The following KDM4C variants were observed in gnomAD, a reference collection of about 807,000 sequenced individuals.
KDM4C encodes lysine demethylase 4C, also known as lysine-specific demethylase 4C.
A neutral mutation model predicts 129.3 loss-of-function variants in KDM4C; 81 were observed. The observed-to-expected ratio is 0.63, with a 90% confidence interval of 0.52 to 0.75. KDM4C has a LOEUF of 0.75. Among genes scored for constraint, KDM4C ranks in the 30% least tolerant of loss-of-function variants. The probability of loss-of-function intolerance (pLI) is 0.00; values close to 1 mark genes in which losing one functional copy is unlikely to be tolerated. For missense variants in KDM4C, 1,457 were observed against 1,304.0 expected (o/e 1.12, Z -1.81); for synonymous variants, 573 against 456.1 (o/e 1.26, Z -3.26).
intron 12 of KDM4C, among the ~76,000 whole-genome samples, chr9:7,003,457 A>C (rs1821100225): frequency 1.3e-5 from 2 of 151,426 alleles, no homozygotes; most frequent in Admixed American, 1.3e-4. Flanking sequence ...GGTAATAGGA[A>C]TTTTGAAGTT....
chr9:7,095,238 A>G (rs1046455984), intron 17 of KDM4C, among the ~76,000 whole-genome samples: 2 of 152,250 alleles, frequency 1.3e-5, no homozygotes, highest in African/African-American at 4.8e-5. Flanking sequence ...TTCAGTAAAC[A>G]TACATGAAAC....
chr9:6,835,183 G>A (rs1459120419), intron 4 of KDM4C: 6 of 936,768 alleles, frequency 6.4e-6, no homozygotes, highest in African/African-American at 1.6e-5. Flanking sequence ...GCTGACTGAC[G>A]GCCAGGTCAT....
intron 8 of KDM4C, among the ~76,000 whole-genome samples, chr9:6,972,618 A>G (rs1175903496): frequency 1.3e-5 from 2 of 152,176 alleles, no homozygotes; most frequent in Non-Finnish European, 2.9e-5. Context: ...AATTGTTGCC[A>G]TGCTTTATTC....
At chr9:6,858,543 G>A (rs1355595848) in intron 5 of KDM4C, among the ~76,000 whole-genome samples, 1 of 152,176 alleles carries the variant, frequency 6.6e-6, no homozygotes, top group African/African-American at 2.4e-5. Context: ...GGAGGCCTAG[G>A]TGGGCGGATC....
intron 19 of KDM4C, among the ~76,000 whole-genome samples, chr9:7,163,368 G>C (rs1313148147): frequency 6.6e-6 from 1 of 152,168 alleles, no homozygotes; most frequent in East Asian, 1.9e-4. Context: ...TAGCACTGCA[G>C]AGCACCATGG....
intron 1 of KDM4C, among the ~76,000 whole-genome samples, chr9:6,776,462 C>T (rs1823064414): frequency 6.6e-6 from 1 of 152,050 alleles, no homozygotes; most frequent in Non-Finnish European, 1.5e-5. Context: ...AGAGTTTCCA[C>T]CATGTTGGCC....
At chr9:6,985,078 C>T (rs1817457464) in intron 10 of KDM4C, among the ~76,000 whole-genome samples, 2 of 152,166 alleles carry the variant, frequency 1.3e-5, no homozygotes, top group Non-Finnish European at 2.9e-5. Flanking sequence ...CGCCAGAATC[C>T]GACTCCCTCT....
chr9:7,048,997 C>T (rs1260682131), intron 16 of KDM4C, 95 bp from the exon 17 acceptor site: 1 of 763,978 alleles, frequency 1.3e-6, no homozygotes, highest in Non-Finnish European at 2.3e-6. Context: ...TCTTGCTCAT[C>T]TGTGTATTTC....
chr9:6,746,017 G>T (rs1246297840), intron 1 of KDM4C, among the ~76,000 whole-genome samples: 1 of 151,850 alleles, frequency 6.6e-6, no homozygotes, highest in Non-Finnish European at 1.5e-5. Flanking sequence ...TGTTGGTCAG[G>T]CTGGTCTTGA....
intron 19 of KDM4C, among the ~76,000 whole-genome samples, chr9:7,139,950 G>A (rs543556088): frequency 6.6e-6 from 1 of 152,160 alleles, no homozygotes; most frequent in Non-Finnish European, 1.5e-5. Context: ...ATGAAAGGAA[G>A]GAAAGGACAC....
chr9:6,997,809 G>A (rs576059724), intron 12 of KDM4C, among the ~76,000 whole-genome samples: 1 of 152,326 alleles, frequency 6.6e-6, no homozygotes, highest in Admixed American at 6.5e-5. Context: ...CCCTGAAATA[G>A]CATGTGGTGA....
rs147517469 is a variant in KDM4C, at chr9:6,823,621, C to T, written c.435+8876C>T. ...TCACGTTGCTCCTTCGTTGCTGCTG[C>T]CTCCAGATCTCCAAAGGTGTCCCCT... is the stretch of plus-strand genomic sequence containing the variant. On this transcript the variant is annotated intron_variant, in intron 4 of 21. Coordinates refer to ENST00000381309, the MANE Select transcript of KDM4C (RefSeq NM_015061.6). Among the ~76,000 whole-genome samples the T allele has an allele frequency of 3.6e-3, 556 of 152,332 alleles. 8 individuals carry two copies. The highest frequency in any genetic ancestry group is 0.013 in the African/African-American group (530 of 41,568).
chr9:7,036,654 A>G (rs1482619135), intron 15 of KDM4C, among the ~76,000 whole-genome samples: 2 of 152,192 alleles, frequency 1.3e-5, no homozygotes, highest in African/African-American at 4.8e-5. Flanking sequence ...AGAAAAACTA[A>G]ATTTCTGTAA....
chr9:6,979,457 C>T (rs951889337), intron 8 of KDM4C, among the ~76,000 whole-genome samples: 8 of 152,102 alleles, frequency 5.3e-5, no homozygotes, highest in Non-Finnish European at 8.8e-5. Context: ...TTTGGGCTCC[C>T]ATGACTTGGG....
At chr9:6,830,473 T>C (rs1309968962) in intron 4 of KDM4C, among the ~76,000 whole-genome samples, 1 of 152,222 alleles carries the variant, frequency 6.6e-6, no homozygotes, top group East Asian at 1.9e-4. Context: ...GAGTCATGAA[T>C]GCCAGGAGTC....
At chr9:7,009,593 A>C (rs1822311087) in intron 12 of KDM4C, among the ~76,000 whole-genome samples, 1 of 152,114 alleles carries the variant, frequency 6.6e-6, no homozygotes, top group Non-Finnish European at 1.5e-5. Context: ...CACTGCCTTG[A>C]TTCATGCTGA....
At chr9:6,779,458 G>A (rs550335795) in intron 1 of KDM4C, among the ~76,000 whole-genome samples, 1 of 152,272 alleles carries the variant, frequency 6.6e-6, no homozygotes, top group South Asian at 2.1e-4. Flanking sequence ...CACGATTCCT[G>A]ACCCCTAGAT....
chr9:6,856,706 G>T (rs1348205718), intron 5 of KDM4C, among the ~76,000 whole-genome samples: 1 of 151,314 alleles, frequency 6.6e-6, no homozygotes, highest in Non-Finnish European at 1.5e-5. Flanking sequence ...CCAGGTAGCT[G>T]GGACTACAGG....
chr9:6,827,176 T>C (rs910456248), intron 4 of KDM4C, among the ~76,000 whole-genome samples: 1 of 152,262 alleles, frequency 6.6e-6, no homozygotes, highest in East Asian at 1.9e-4. Flanking sequence ...TGACCTGTTT[T>C]CGTTTATAAT....
Sources: gnomAD v4.1 joint callset for allele counts (sites outside exome capture counted in the v4.1 genomes callset) on GRCh38, gnomAD v4.1.1 for gene constraint, MANE v1.5 for transcripts, NCBI Gene and HGNC (gene_info 2026-07-23, HGNC 2026-07-21) for gene names.